ZC3H12B: variants seen among roughly 807,000 people sequenced by gnomAD.
ZC3H12B encodes probable ribonuclease ZC3H12B.
ZC3H12B carries 7 observed loss-of-function variants against 43.9 expected under a neutral mutation model. The ratio of observed to expected loss-of-function variants is 0.16; its 90% CI spans 0.09 to 0.30. The LOEUF (loss-of-function observed/expected upper bound fraction) is 0.30, where lower values mean the gene tolerates loss of function less well. Ranked by LOEUF, ZC3H12B falls within the 10% of genes least tolerant of loss-of-function variation. The probability of loss-of-function intolerance (pLI) is 1.00; values close to 1 mark genes in which losing one functional copy is unlikely to be tolerated. For synonymous variants in ZC3H12B, 222 were observed against 241.7 expected (o/e 0.92, Z 0.76); for missense variants, 475 against 670.2 (o/e 0.71, Z 3.22).
At chrX:65,157,563 T>C in the ZC3H12B span, among the ~76,000 whole-genome samples, 1 of 111,457 alleles carries the variant, frequency 9.0e-6, no homozygotes, top group Non-Finnish European at 1.9e-5. Flanking sequence ...TTCCCCACTG[T>C]TTTTACTATA....
chrX:65,450,978 C>A (rs1464444591), intron 3 of ZC3H12B, among the ~76,000 whole-genome samples: 1 of 103,678 alleles, frequency 9.6e-6, no homozygotes, highest in Non-Finnish European at 2.0e-5. Flanking sequence ...TAATTCAATT[C>A]TTTTGTTCAT....
At chrX:65,045,331 A>G in the ZC3H12B span, among the ~76,000 whole-genome samples, 2 of 112,292 alleles carry the variant, frequency 1.8e-5, no homozygotes. Context: ...ACTTCTTTCA[A>G]AATTAGAGTC....
At chrX:65,175,029 G>A in the ZC3H12B span, among the ~76,000 whole-genome samples, 1 of 112,299 alleles carries the variant, frequency 8.9e-6, no homozygotes, top group Non-Finnish European at 1.9e-5. Context: ...CAGTGTAGGT[G>A]CATGAGGGAA....
chrX:65,166,159 T>C, the ZC3H12B span, among the ~76,000 whole-genome samples: 1 of 111,274 alleles, frequency 9.0e-6, no homozygotes, highest in South Asian at 3.8e-4. Flanking sequence ...ACTCATCATT[T>C]ACATTAGGTA....
At chrX:65,368,531 A>T in intron 1 of ZC3H12B, among the ~76,000 whole-genome samples, 1 of 112,044 alleles carries the variant, frequency 8.9e-6, no homozygotes, top group East Asian at 2.8e-4. Flanking sequence ...GTTCAAAATT[A>T]TACATGTAAC....
At chrX:65,424,205 C>A (rs913683789) in intron 3 of ZC3H12B, among the ~76,000 whole-genome samples, 4 of 112,076 alleles carry the variant, frequency 3.6e-5, no homozygotes, top group African/African-American at 9.7e-5. Context: ...ATTTGCATTT[C>A]TCTAATGATC....
upstream of ZC3H12B, among the ~76,000 whole-genome samples, chrX:65,362,879 C>T (rs909330431): frequency 4.5e-5 from 5 of 111,342 alleles, no homozygotes; most frequent in Non-Finnish European, 7.5e-5. Context: ...GCCTATCCAC[C>T]CCGTGGTGCC....
chrX:65,146,419 C>A, the ZC3H12B span, among the ~76,000 whole-genome samples: 2 of 112,023 alleles, frequency 1.8e-5, no homozygotes, highest in African/African-American at 6.5e-5. Flanking sequence ...TGATGCCTCC[C>A]TGATTCACTT....
the ZC3H12B span, among the ~76,000 whole-genome samples, chrX:65,225,840 A>C: frequency 1.8e-5 from 2 of 111,897 alleles, no homozygotes; most frequent in Admixed American, 9.5e-5. Flanking sequence ...GAACAAAAAG[A>C]AACGAACAAA....
chrX:65,503,955 G>C (rs750644532), exon 5 of ZC3H12B: 1 of 112,329 alleles, frequency 8.9e-6, no homozygotes, highest in Non-Finnish European at 1.9e-5. Flanking sequence ...ATATTACAAA[G>C]TATGGATGAT....
chrX:65,163,691 G>A, the ZC3H12B span, among the ~76,000 whole-genome samples: 1 of 111,635 alleles, frequency 9.0e-6, no homozygotes, highest in Non-Finnish European at 1.9e-5. Flanking sequence ...TCTTTGACTA[G>A]GAAAGGGAAC....
At chrX:65,115,914 G>C in the ZC3H12B span, among the ~76,000 whole-genome samples, 2 of 110,027 alleles carry the variant, frequency 1.8e-5, no homozygotes, top group South Asian at 7.6e-4. Context: ...TTTTTTTCTT[G>C]TTCATTTGAG....
At chrX:65,088,767 T>A in the ZC3H12B span, among the ~76,000 whole-genome samples, 2 of 111,461 alleles carry the variant, frequency 1.8e-5, no homozygotes, top group African/African-American at 6.5e-5. Context: ...CCTTCTGAAA[T>A]GTCTCTTCCA....
intron 3 of ZC3H12B, among the ~76,000 whole-genome samples, chrX:65,414,805 C>T (rs2066941832): frequency 8.9e-6 from 1 of 112,136 alleles, no homozygotes; most frequent in Admixed American, 9.5e-5. Context: ...GGACCTGCCA[C>T]TAGTTAGCTA....
the ZC3H12B span, among the ~76,000 whole-genome samples, chrX:65,292,137 T>A: frequency 8.9e-6 from 1 of 111,947 alleles, no homozygotes; most frequent in Non-Finnish European, 1.9e-5. Flanking sequence ...AGTAAAGACA[T>A]AATTTAACTG....
intron 3 of ZC3H12B, among the ~76,000 whole-genome samples, chrX:65,424,934 T>C (rs1315643017): frequency 9.0e-6 from 1 of 111,630 alleles, no homozygotes; most frequent in East Asian, 2.8e-4. Context: ...CTTATGATTG[T>C]CTTGTTTTTT....
intron 3 of ZC3H12B, among the ~76,000 whole-genome samples, chrX:65,417,456 A>C (rs978519608): frequency 2.7e-5 from 3 of 112,478 alleles, no homozygotes; most frequent in Non-Finnish European, 5.6e-5. Context: ...AGCAGAATGA[A>C]GGAGCTCTCC....
At chrX:65,152,886 T>A in the ZC3H12B span, among the ~76,000 whole-genome samples, 1 of 111,400 alleles carries the variant, frequency 9.0e-6, no homozygotes, top group East Asian at 2.8e-4. Flanking sequence ...AAAACAGAGA[T>A]ATAGATAAAT....
At chrX:65,157,191 G>T in the ZC3H12B span, among the ~76,000 whole-genome samples, 1 of 111,088 alleles carries the variant, frequency 9.0e-6, no homozygotes, top group South Asian at 3.8e-4. Context: ...ATGTTCCCCA[G>T]GCTGGTCTCA....
Sources: allele counts gnomAD v4.1 joint callset (sites outside exome capture counted in the v4.1 genomes callset), GRCh38; gene constraint gnomAD v4.1.1; transcripts MANE v1.5; gene names NCBI Gene and HGNC (gene_info 2026-07-23, HGNC 2026-07-21).